Variants in CLEC19A observed in about 807,000 individuals in gnomAD.
CLEC19A encodes C-type lectin domain family 19 member A.
In CLEC19A, 21 loss-of-function variants were observed where a neutral mutation model predicts 26.1. That is an observed-to-expected ratio of 0.80 (90% CI 0.57 to 1.16). The LOEUF is 1.16. Ranked by LOEUF, CLEC19A falls within the 50% of genes most tolerant of loss-of-function variation. The probability of loss-of-function intolerance (pLI) is 0.00; values close to 1 mark genes in which losing one functional copy is unlikely to be tolerated. For missense variants in CLEC19A, 224 were observed against 227.6 expected, an observed-to-expected ratio of 0.98 and a Z score of 0.10; for synonymous variants, 89 against 88.6, an observed-to-expected ratio of 1.00 and a Z score of -0.03.
At chr16:19,305,729 C>T (rs976753011) in intron 3 of CLEC19A, among the ~76,000 whole-genome samples, 4 of 152,058 alleles carry the variant, frequency 2.6e-5, no homozygotes, top group East Asian at 1.9e-4. Context: ...AAGAGCTTAG[C>T]GTGGTGCTTA....
intron 1 of CLEC19A, among the ~76,000 whole-genome samples, chr16:19,286,843 T>C (rs1265846513): frequency 6.6e-6 from 1 of 152,162 alleles, no homozygotes; most frequent in Non-Finnish European, 1.5e-5. Flanking sequence ...TATTGGGTTG[T>C]GATAGTGTTA....
intron 2 of CLEC19A, among the ~76,000 whole-genome samples, chr16:19,303,331 A>C (rs1897874680): frequency 6.6e-6 from 1 of 152,072 alleles, no homozygotes; most frequent in South Asian, 2.1e-4. Flanking sequence ...CCATTCATCC[A>C]TTTGTCTATC....
At chr16:19,298,973 A>G (rs1167312771) in intron 2 of CLEC19A, 135 bp downstream of exon 2, 2 of 1,006,904 alleles carry the variant, frequency 2.0e-6, no homozygotes, top group South Asian at 1.7e-5. Context: ...GAGTCTTGCT[A>G]TGTTGCCCAG....
At chr16:19,294,642 C>A (rs1897666769) in intron 1 of CLEC19A, among the ~76,000 whole-genome samples, 1 of 152,220 alleles carries the variant, frequency 6.6e-6, no homozygotes, top group Admixed American at 6.5e-5. Flanking sequence ...CTTCTGCAGA[C>A]TTCTTTAGTG....
chr16:19,305,905 G>A (rs1337010873), intron 3 of CLEC19A, among the ~76,000 whole-genome samples: 3 of 151,888 alleles, frequency 2.0e-5, no homozygotes, highest in Admixed American at 1.3e-4. Context: ...GTGCAGTGGC[G>A]CAATCTTGGC....
In CLEC19A at chr16:19,298,707, C is replaced by T; in HGVS notation, c.123C>T (p.Pro41=). 1 of 1,551,170 alleles carries T rather than the reference C, an allele frequency of 6.4e-7. No homozygotes were observed. The highest frequency in any genetic ancestry group is 8.7e-7 in the Non-Finnish European group (1 of 1,147,124). ...AGCTGCCCCTGCCTTCCCTGTGCCC[C>T]CTGTTCTGGATGGAGTTCAAAGGCC... ...LPELPLPSLC[P]LFWMEFKGHC... The change falls in exon 2 of 5, where the codon CCC becomes CCT. Residue 41 remains proline (P), a synonymous_variant. Transcript: ENST00000636231.
chr16:19,289,024 C>T (rs1897527886), intron 1 of CLEC19A, among the ~76,000 whole-genome samples: 1 of 152,142 alleles, frequency 6.6e-6, no homozygotes, highest in Non-Finnish European at 1.5e-5. Flanking sequence ...CTGGAACTGG[C>T]TTTTCTGTGA....
At chr16:19,308,958 T>G (rs1597091223) in intron 4 of CLEC19A, 46 bp from the exon 5 acceptor site, 1 of 1,488,780 alleles carries the variant, frequency 6.7e-7, no homozygotes, top group East Asian at 2.5e-5. Context: ...ACTTTTATCT[T>G]GGCGGATGGA....
rs564429070 is a variant in CLEC19A at position 19,309,276 on chromosome 16, C to T, written c.*193C>T. The T allele has an allele frequency of 1.0e-5, 5 of 492,760 alleles. No homozygotes were observed. Among genetic ancestry groups the T allele is most frequent in the East Asian group, 7.1e-5 (2 of 28,112 alleles). The allele number at this position is 492,760 out of a possible 1,614,324, so 30.5% of individuals were successfully genotyped here. On this transcript the variant is annotated 3_prime_UTR_variant, in exon 5 of 5. Transcript: ENST00000636231. ...TGTCAGGAAAGCCAGCTCAAATTGGCTTAATTTTTTAAAGTGTTTTTTTTT... is the reference window on the plus strand; with the variant it reads ...TGTCAGGAAAGCCAGCTCAAATTGGTTTAATTTTTTAAAGTGTTTTTTTTT...
At chr16:19,295,902 A>T (rs1472022807) in intron 1 of CLEC19A, among the ~76,000 whole-genome samples, 1 of 152,162 alleles carries the variant, frequency 6.6e-6, no homozygotes, top group African/African-American at 2.4e-5. Context: ...AGGGTCCATC[A>T]ACTCTCTTGG....
chr16:19,304,132 A>G lies in CLEC19A; in HGVS notation c.325A>G (p.Thr109Ala). Reference sequence around the variant, plus strand: ...TCCCGGCATCCCAGCTGACGTCTGGACAGGCCTTCATGATCACAGACAGGT... The same window carrying G: ...TCCCGGCATCCCAGCTGACGTCTGGGCAGGCCTTCATGATCACAGACAGGT... Reference protein sequence around the residue: ...CVPGIPADVWTGLHDHRQEGQ... With the variant: ...CVPGIPADVWAGLHDHRQEGQ... The change falls in exon 3 of 5, where the codon ACA becomes GCA. Residue 109 changes from threonine (T) to alanine (A), a missense_variant. Coordinates refer to ENST00000636231, the MANE Select transcript of CLEC19A (RefSeq NM_001256720.2). 6.4e-7 allele frequency: 1 copy of G among 1,550,628 alleles called. No homozygotes were observed. The highest frequency in any genetic ancestry group is 8.7e-7 in the Non-Finnish European group (1 of 1,146,980).
At chr16:19,298,482 A>T (rs947213380) in intron 1 of CLEC19A, among the ~76,000 whole-genome samples, 191 bp from the exon 2 acceptor site, 10 of 152,050 alleles carry the variant, frequency 6.6e-5, no homozygotes, top group African/African-American at 2.2e-4. Flanking sequence ...TGGGAGTATC[A>T]CTTGAGCTGA....
chr16:19,301,736 GTTTT>G (rs1171248968), intron 2 of CLEC19A, among the ~76,000 whole-genome samples: 3 of 81,498 alleles, frequency 3.7e-5, no homozygotes, highest in African/African-American at 1.4e-4. Context: ...GGTTTTTTTG[GTTTT>G]TTTTTTTTTT....
intron 1 of CLEC19A, among the ~76,000 whole-genome samples, chr16:19,294,823 A>G (rs1897671674): frequency 6.6e-6 from 1 of 152,200 alleles, no homozygotes; most frequent in Admixed American, 6.5e-5. Flanking sequence ...AGAAAATAGG[A>G]ACAGGCTAAG....
chr16:19,297,666 A>C (rs1897733694), intron 1 of CLEC19A, among the ~76,000 whole-genome samples: 1 of 152,228 alleles, frequency 6.6e-6, no homozygotes, highest in Non-Finnish European at 1.5e-5. Context: ...AATGTTTACA[A>C]AAATGTATAA....
At chr16:19,299,196 G>T (rs1196184234) in intron 2 of CLEC19A, among the ~76,000 whole-genome samples, 1 of 152,216 alleles carries the variant, frequency 6.6e-6, no homozygotes, top group Non-Finnish European at 1.5e-5. Flanking sequence ...TGCCAGTCTT[G>T]TGCTGTCCTC....
chr16:19,303,839 A>G (rs1487555883), intron 2 of CLEC19A: 2 of 452,708 alleles, frequency 4.4e-6, no homozygotes, highest in African/African-American at 3.9e-5. Flanking sequence ...AGGGATGAGT[A>G]GCAGTACTGA....
Position 19,309,125 on chromosome 16 carries a change from T to A in CLEC19A, c.*42T>A. On this transcript the variant is annotated 3_prime_UTR_variant, in exon 5 of 5. Coordinates refer to ENST00000636231, the MANE Select transcript of CLEC19A (RefSeq NM_001256720.2). Reference sequence around the variant, plus strand: ...TGGTGTGAGCTCAACTCTAGTATCATCTTGTAGCTGTAACCAGTGTAGAAT... The same window carrying A: ...TGGTGTGAGCTCAACTCTAGTATCAACTTGTAGCTGTAACCAGTGTAGAAT... The A allele has an allele frequency of 7.1e-7, 1 of 1,411,070 alleles. No individual in the cohort carries two copies. The highest frequency in any genetic ancestry group is 9.8e-7 in the Non-Finnish European group (1 of 1,021,400). The allele number at this position is 1,411,070 out of a possible 1,614,324, so 87.4% of individuals were successfully genotyped here. A position where few individuals can be genotyped will look rare whatever the true frequency, so the allele number is the denominator to read the frequency against.
chr16:19,301,736 G>T (rs179216), intron 2 of CLEC19A, among the ~76,000 whole-genome samples: 34,009 of 81,760 alleles, frequency 0.42, 7,075 homozygotes, highest in East Asian at 0.73. Context: ...GGTTTTTTTG[G>T]TTTTTTTTTT....
Sources: allele counts gnomAD v4.1 joint callset (sites outside exome capture counted in the v4.1 genomes callset), GRCh38; gene constraint gnomAD v4.1.1; transcripts MANE v1.5; gene names NCBI Gene and HGNC (gene_info 2026-07-23, HGNC 2026-07-21).